The following SACM1L variants were observed in gnomAD, a reference collection of about 807,000 sequenced individuals.
SACM1L encodes phosphatidylinositol-3-phosphatase SAC1.
A neutral mutation model predicts 89.5 loss-of-function variants in SACM1L; 32 were observed. The ratio of observed to expected loss-of-function variants is 0.36; its 90% CI spans 0.27 to 0.48. The LOEUF (loss-of-function observed/expected upper bound fraction) is 0.48. Among genes scored for constraint, SACM1L ranks in the 20% least tolerant of loss-of-function variants. The pLI is 0.99. For synonymous variants in SACM1L, 213 were observed against 232.8 expected, an observed-to-expected ratio of 0.92 and a Z score of 0.77; for missense variants, 543 against 708.5, an observed-to-expected ratio of 0.77 and a Z score of 2.65.
intron 11 of SACM1L, among the ~76,000 whole-genome samples, chr3:45,724,447 C>A (rs1698868871): frequency 6.6e-6 from 1 of 151,986 alleles, no homozygotes; most frequent in South Asian, 2.1e-4. Flanking sequence ...ATTTGTGTAT[C>A]TTCTTTGGAG....
intron 4 of SACM1L, among the ~76,000 whole-genome samples, chr3:45,707,700 A>G (rs1297845021): frequency 1.3e-5 from 2 of 152,194 alleles, no homozygotes; most frequent in East Asian, 3.8e-4. Flanking sequence ...AGAGAAAGTG[A>G]TGCCTGCAAC....
chr3:45,720,344 A>G (rs1187675663), intron 8 of SACM1L, among the ~76,000 whole-genome samples: 1 of 152,202 alleles, frequency 6.6e-6, no homozygotes, highest in African/African-American at 2.4e-5. Flanking sequence ...AAATTTTTGA[A>G]CAGGTAGTGC....
intron 9 of SACM1L, among the ~76,000 whole-genome samples, chr3:45,722,384 A>G (rs1479297631): frequency 2.0e-5 from 3 of 152,096 alleles, no homozygotes; most frequent in Non-Finnish European, 4.4e-5. Context: ...AAGGGCAGTG[A>G]TGATAGGACA....
chr3:45,714,283 C>G (rs1698596779), intron 7 of SACM1L, among the ~76,000 whole-genome samples: 1 of 144,578 alleles, frequency 6.9e-6, no homozygotes, highest in African/African-American at 2.6e-5. Flanking sequence ...CTATACGATT[C>G]TCTCTCTGTT....
chr3:45,693,815 G>A (rs1430055533), intron 1 of SACM1L, among the ~76,000 whole-genome samples: 2 of 152,156 alleles, frequency 1.3e-5, no homozygotes, highest in African/African-American at 4.8e-5. Context: ...GATTTGCTCA[G>A]AATTTAAAAT....
chr3:45,720,895 G>A (rs938206889), intron 8 of SACM1L, among the ~76,000 whole-genome samples: 1 of 152,306 alleles, frequency 6.6e-6, no homozygotes, highest in Admixed American at 6.5e-5. Flanking sequence ...AGGATGTTAG[G>A]AAATACTTGG....
At chr3:45,689,609 C>G in intron 1 of SACM1L, 112 bp downstream of exon 1, 1 of 1,277,980 alleles carries the variant, frequency 7.8e-7, no homozygotes, top group South Asian at 1.3e-5. Flanking sequence ...GTGGGAGCTC[C>G]TCGCATTTAC....
intron 11 of SACM1L, 72 bp from the exon 12 acceptor site, chr3:45,731,229 T>G: frequency 3.1e-6 from 3 of 952,888 alleles, no homozygotes; most frequent in South Asian, 3.1e-5. Flanking sequence ...AGCTTCCTAG[T>G]TTGTCCTTTT....
chr3:45,729,321 G>C (rs1003922968), intron 11 of SACM1L, among the ~76,000 whole-genome samples: 49 of 152,098 alleles, frequency 3.2e-4, no homozygotes, highest in Admixed American at 3.2e-3. Context: ...CTGACCTCAA[G>C]TGATCTGCCC....
intron 2 of SACM1L, among the ~76,000 whole-genome samples, chr3:45,704,857 C>T (rs1009894412): frequency 2.0e-5 from 3 of 152,136 alleles, no homozygotes; most frequent in Non-Finnish European, 2.9e-5. Context: ...TTCACCACTG[C>T]GAATGCAGAC....
chr3:45,735,251 T>A lies in SACM1L; in HGVS notation c.1117T>A (p.Ser373Thr), dbSNP rs763463754. Residue 373 changes from serine to threonine, a missense_variant, in exon 14 of 20, where the codon TCT (serine) becomes ACT (threonine). Physicochemically the swap from Ser to Thr is moderately conservative, Grantham distance 58. Transcript: ENST00000389061. ...QDELSYFLVD[S>T]AGQVVANQEG... ...ATGTTTTAGTTATTTTCTAGTGGAC[T>A]CTGCTGGCCAGGTGGTGGCAAACCA... is the stretch of plus-strand genomic sequence containing the variant. 4.3e-6 allele frequency: 7 copies of A among 1,611,386 alleles called. No individual in the cohort carries two copies. The South Asian group carries it at 7.7e-5, about 18-fold the overall frequency.
intron 1 of SACM1L, among the ~76,000 whole-genome samples, chr3:45,699,225 A>G (rs1698202348): frequency 6.6e-6 from 1 of 152,072 alleles, no homozygotes. Flanking sequence ...TGGCACATGT[A>G]TACATATGTA....
At chr3:45,705,300 C>T in intron 3 of SACM1L, 91 bp downstream of exon 3, 1 of 717,582 alleles carries the variant, frequency 1.4e-6, no homozygotes, top group East Asian at 2.7e-5. Context: ...TGAAGTAATA[C>T]TTTGTATCAT....
At chr3:45,723,903 T>TAAAAA (rs1698846580) in intron 11 of SACM1L, among the ~76,000 whole-genome samples, 1 of 152,186 alleles carries the variant, frequency 6.6e-6, no homozygotes, top group African/African-American at 2.4e-5. Flanking sequence ...ATTTCATTCT[T>TAAAAA]TTTTTAAGAC....
rs542723101 is a variant in SACM1L at position 45,744,956 on chromosome 3, C to T, written c.*1287C>T. 7 of 152,088 alleles carry T rather than the reference C, an allele frequency of 4.6e-5. No homozygotes were observed. Among genetic ancestry groups the T allele is most frequent in the Non-Finnish European group, 7.4e-5 (5 of 68,022 alleles). The allele number at this position is 152,088 out of a possible 1,614,324, so 9.4% of individuals were successfully genotyped here. A position where few individuals can be genotyped will look rare whatever the true frequency, so the allele number is the denominator to read the frequency against. Reference sequence around the variant, plus strand: ...TGTTGTCCTTAAATATTTCTAAAAGCGCCTTTATTTCAGCATTACCTTTTT... The same window carrying T: ...TGTTGTCCTTAAATATTTCTAAAAGTGCCTTTATTTCAGCATTACCTTTTT... On this transcript the variant is annotated 3_prime_UTR_variant, in exon 20 of 20. Coordinates refer to ENST00000389061, the MANE Select transcript of SACM1L (RefSeq NM_014016.5).
rs968559063 is a variant in SACM1L, at chr3:45,743,785, C to A, written c.*116C>A. 50 of 1,081,296 alleles carry A rather than the reference C, an allele frequency of 4.6e-5. No homozygotes were observed. Among genetic ancestry groups the A allele is most frequent in the Non-Finnish European group, 6.0e-5 (46 of 761,934 alleles). 67.0% of individuals were successfully genotyped at this position (1,081,296 alleles called of 1,614,324 possible). ...TCTTTTTAATGCCTTTATCCAAAAG[C>A]ACATCTTGTGCTCCATGCAGGATGA... On this transcript the variant is annotated 3_prime_UTR_variant, in exon 20 of 20. Transcript: ENST00000389061.
In SACM1L at chr3:45,745,287, A is replaced by G. The variant is rs138086504; in HGVS notation, c.*1618A>G. 6.5e-6 allele frequency: 1 copy of G among 152,802 alleles called. No individual in the cohort carries two copies. The highest frequency in any genetic ancestry group is 1.9e-4 in the East Asian group (1 of 5,194). The allele number at this position is 152,802 out of a possible 1,614,324, so 9.5% of individuals were successfully genotyped here. ...TGCTAATGTGGCTGCTTTGTAGGGA[A>G]TGGACTAATATCAGTGTGTTAGATC... is the stretch of plus-strand genomic sequence containing the variant. On this transcript the variant is annotated 3_prime_UTR_variant, in exon 20 of 20. Transcript: ENST00000389061.
intron 4 of SACM1L, among the ~76,000 whole-genome samples, chr3:45,708,731 A>G (rs139851726): frequency 2.0e-4 from 30 of 152,296 alleles, no homozygotes; most frequent in Middle Eastern, 6.8e-3. Context: ...CTGTGTAGCT[A>G]ATTTTAAAAA....
chr3:45,735,949 C>G lies in SACM1L; in HGVS notation c.1239+576C>G, dbSNP rs143442155. Among the ~76,000 whole-genome samples the G allele has an allele frequency of 2.6e-3, 401 of 152,310 alleles. 12 individuals are homozygous for G. In the East Asian group the frequency reaches 0.047, roughly 18 times the overall value. The stretch of plus-strand genomic sequence containing the variant: ...TGGTGCAGTCTCGGCTTGCTGCAAC[C>G]TCTGCCTCCTGGGCTCAAGCCATCC... On this transcript the variant is annotated intron_variant, in intron 14 of 19. Transcript: ENST00000389061.
Sources: gnomAD v4.1 joint callset for allele counts (sites outside exome capture counted in the v4.1 genomes callset) on GRCh38, gnomAD v4.1.1 for gene constraint, MANE v1.5 for transcripts, NCBI Gene and HGNC (gene_info 2026-07-23, HGNC 2026-07-21) for gene names.